The following KCNMA1 variants were observed in gnomAD, a reference collection of about 807,000 sequenced individuals.
KCNMA1 encodes Calcium-activated potassium channel subunit alpha-1.
In KCNMA1, 29 loss-of-function variants were observed where a neutral mutation model predicts 140.0. That is an observed-to-expected ratio of 0.21 (90% confidence interval 0.15 to 0.28). The LOEUF (loss-of-function observed/expected upper bound fraction) is 0.28, where lower values mean the gene tolerates loss of function less well. KCNMA1 is among the 10% of genes least tolerant of loss of function. KCNMA1 has a pLI of 1.00. For missense variants in KCNMA1, 880 were observed against 1,602.2 expected, an observed-to-expected ratio of 0.55 and a Z score of 7.70; for synonymous variants, 612 against 611.9, an observed-to-expected ratio of 1.00 and a Z score of 0.00.
At chr10:77,114,578 C>T (rs1353383264) in intron 6 of KCNMA1, among the ~76,000 whole-genome samples, 3 of 152,180 alleles carry the variant, frequency 2.0e-5, no homozygotes, top group Non-Finnish European at 4.4e-5. Context: ...CTATTGTTTA[C>T]ACTATTTACT....
At chr10:77,603,130 A>G (rs970367996) in intron 1 of KCNMA1, among the ~76,000 whole-genome samples, 4 of 152,226 alleles carry the variant, frequency 2.6e-5, no homozygotes, top group Non-Finnish European at 5.9e-5. Flanking sequence ...AAAAACTGCT[A>G]GAGGTTCCAT....
chr10:77,171,103 C>G (rs559147119), intron 5 of KCNMA1, among the ~76,000 whole-genome samples: 10 of 152,262 alleles, frequency 6.6e-5, no homozygotes, highest in Non-Finnish European at 1.0e-4. Flanking sequence ...TGGGCTGGAC[C>G]AGCAGATCTC....
intron 1 of KCNMA1, among the ~76,000 whole-genome samples, chr10:77,573,658 GAATAGAATAGAATAGAATAGAATA>G (rs2072803955): frequency 2.2e-5 from 1 of 46,218 alleles, no homozygotes; most frequent in Non-Finnish European, 5.0e-5. Flanking sequence ...GAATAGAATA[GAATAGAATAGAATAGAATAGAATA>G]GAATAGAATA....
intron 14 of KCNMA1, among the ~76,000 whole-genome samples, chr10:77,057,145 A>C (rs2095568987): frequency 6.6e-6 from 1 of 152,138 alleles, no homozygotes; most frequent in Admixed American, 6.5e-5. Flanking sequence ...AACAACAGAA[A>C]ACTAAAGACA....
intron 22 of KCNMA1, among the ~76,000 whole-genome samples, chr10:76,948,339 A>G (rs1054270833): frequency 1.3e-5 from 2 of 152,196 alleles, no homozygotes; most frequent in Non-Finnish European, 2.9e-5. Flanking sequence ...TGAACTTACA[A>G]GAAAAATATT....
chr10:77,615,610 C>T (rs1482718361), intron 1 of KCNMA1, among the ~76,000 whole-genome samples: 2 of 152,170 alleles, frequency 1.3e-5, no homozygotes, highest in East Asian at 3.9e-4. Context: ...CCTGACATCT[C>T]GTACTGCAAA....
chr10:77,456,152 G>T (rs2097759794), intron 1 of KCNMA1, among the ~76,000 whole-genome samples: 1 of 152,188 alleles, frequency 6.6e-6, no homozygotes, highest in Non-Finnish European at 1.5e-5. Context: ...AGGCACGACA[G>T]GGGAAGTCAA....
intron 1 of KCNMA1, among the ~76,000 whole-genome samples, chr10:77,562,185 A>G (rs1392843111): frequency 2.6e-5 from 4 of 152,224 alleles, no homozygotes; most frequent in Non-Finnish European, 5.9e-5. Context: ...CACGGGGCCC[A>G]GCCCCCAGCT....
intron 25 of KCNMA1, among the ~76,000 whole-genome samples, chr10:76,900,721 A>T (rs188379328): frequency 1.3e-5 from 2 of 152,224 alleles, no homozygotes; most frequent in Admixed American, 1.3e-4. Context: ...TTAAAAACTG[A>T]TATGCTTCAA....
intron 2 of KCNMA1, among the ~76,000 whole-genome samples, chr10:77,321,287 A>G (rs2082262426): frequency 6.6e-6 from 1 of 152,194 alleles, no homozygotes; most frequent in Non-Finnish European, 1.5e-5. Flanking sequence ...AAATCCCCTA[A>G]ATACAGCTCC....
At chr10:77,425,227 G>C (rs138656625) in intron 1 of KCNMA1, among the ~76,000 whole-genome samples, 1 of 152,148 alleles carries the variant, frequency 6.6e-6, no homozygotes, top group African/African-American at 2.4e-5. Flanking sequence ...ACATTGCCCC[G>C]ATTTATTTAA....
At chr10:77,433,210 T>C (rs190633960) in intron 1 of KCNMA1, among the ~76,000 whole-genome samples, 104 of 152,316 alleles carry the variant, frequency 6.8e-4, no homozygotes, top group Admixed American at 6.4e-3. Flanking sequence ...TGGAGTGCAA[T>C]GCTATGATCT....
chr10:76,895,061 T>C (rs1002298516), intron 25 of KCNMA1, among the ~76,000 whole-genome samples: 2 of 152,254 alleles, frequency 1.3e-5, no homozygotes, highest in African/African-American at 4.8e-5. Context: ...ATGTTATCTA[T>C]AGATTACAGA....
At chr10:77,436,390 G>A (rs529605789) in intron 1 of KCNMA1, among the ~76,000 whole-genome samples, 42 of 152,296 alleles carry the variant, frequency 2.8e-4, no homozygotes, top group East Asian at 1.4e-3. Flanking sequence ...ACCCTTTGTC[G>A]TCTGAGCACC....
At chr10:77,297,328 C>G (rs192551425) in intron 2 of KCNMA1, among the ~76,000 whole-genome samples, 3 of 152,228 alleles carry the variant, frequency 2.0e-5, no homozygotes, top group Admixed American at 6.5e-5. Context: ...GACATTGTTG[C>G]CAAACTTCTT....
At chr10:76,937,655 A>C (rs1224233047) in intron 23 of KCNMA1, among the ~76,000 whole-genome samples, 1 of 152,206 alleles carries the variant, frequency 6.6e-6, no homozygotes, top group East Asian at 1.9e-4. Context: ...AAGAGAAATC[A>C]CATTTTCTTC....
chr10:76,948,799 T>C (rs1440384220), intron 22 of KCNMA1, among the ~76,000 whole-genome samples: 1 of 152,234 alleles, frequency 6.6e-6, no homozygotes, highest in Non-Finnish European at 1.5e-5. Context: ...CTATAAATAG[T>C]TCTGTAAGCA....
At chr10:77,615,246 C>G (rs575957230) in intron 1 of KCNMA1, among the ~76,000 whole-genome samples, 2 of 152,156 alleles carry the variant, frequency 1.3e-5, no homozygotes, top group Non-Finnish European at 2.9e-5. Flanking sequence ...GGTCCATTCA[C>G]CATTCACCAG....
At chr10:77,228,028 A>T (rs2052155615) in intron 3 of KCNMA1, among the ~76,000 whole-genome samples, 1 of 147,164 alleles carries the variant, frequency 6.8e-6, no homozygotes, top group South Asian at 2.1e-4. Context: ...GCAGTGGCGC[A>T]ATCTTGGCTC....
Sources: gnomAD v4.1 joint callset for allele counts (sites outside exome capture counted in the v4.1 genomes callset) on GRCh38, gnomAD v4.1.1 for gene constraint, MANE v1.5 for transcripts, NCBI Gene and HGNC (gene_info 2026-07-23, HGNC 2026-07-21) for gene names.